FRMD4A: variants seen among roughly 807,000 people sequenced by gnomAD.
FRMD4A encodes FERM domain-containing protein 4A.
FRMD4A carries 29 observed loss-of-function variants against 129.1 expected under a neutral mutation model. The observed-to-expected ratio is 0.22, with a 90% CI of 0.17 to 0.31. FRMD4A has a LOEUF of 0.31. FRMD4A is among the 10% of genes least tolerant of loss of function. The pLI is 1.00. For missense variants in FRMD4A, 1,272 were observed against 1,375.8 expected (o/e 0.92, Z 1.19); for synonymous variants, 634 against 571.6 (o/e 1.11, Z -1.56).
intron 12 of FRMD4A, among the ~76,000 whole-genome samples, chr10:13,732,737 T>C (rs887681487): frequency 1.3e-5 from 2 of 151,816 alleles, no homozygotes; most frequent in Non-Finnish European, 2.9e-5. Flanking sequence ...CAAGAGGGAG[T>C]GGCATCCCCT....
At chr10:13,861,823 AT>A (rs1299233093) in intron 2 of FRMD4A, among the ~76,000 whole-genome samples, 1 of 152,204 alleles carries the variant, frequency 6.6e-6, no homozygotes, top group Non-Finnish European at 1.5e-5. Context: ...CCTTTCAATC[AT>A]TCCCTAAGTT....
chr10:13,892,255 C>T (rs954092166), intron 2 of FRMD4A, among the ~76,000 whole-genome samples: 1 of 152,174 alleles, frequency 6.6e-6, no homozygotes, highest in Non-Finnish European at 1.5e-5. Flanking sequence ...CCTGAGAGCC[C>T]GGAGACAGCA....
chr10:13,787,455 A>AT lies in FRMD4A; in HGVS notation c.300-4450dup, dbSNP rs202174830. Among the ~76,000 whole-genome samples the AT allele has an allele frequency of 3.9e-3, 597 of 151,228 alleles. 3 individuals are homozygous for AT. The highest frequency in any genetic ancestry group is 0.014 in the African/African-American group (570 of 40,996). On this transcript the variant is annotated intron_variant, in intron 5 of 24. Transcript: ENST00000357447. ...CTGAGGGTTTGGATTCAAAGTCAAAATTTTTTTTTCTTTTTTTTCTTTTTG... is the reference window on the plus strand; with the variant it reads ...CTGAGGGTTTGGATTCAAAGTCAAAATTTTTTTTTTCTTTTTTTTCTTTTTG...
intron 2 of FRMD4A, among the ~76,000 whole-genome samples, chr10:14,011,478 C>T (rs1280111337): frequency 1.3e-5 from 2 of 152,158 alleles, no homozygotes; most frequent in African/African-American, 4.8e-5. Context: ...CTGAAGCCTT[C>T]ATCCATGGTC....
intron 2 of FRMD4A, among the ~76,000 whole-genome samples, chr10:13,978,183 A>G (rs1184370884): frequency 1.3e-5 from 2 of 152,100 alleles, no homozygotes; most frequent in South Asian, 2.1e-4. Flanking sequence ...TCCTAGTGTT[A>G]AGTGGTGGTG....
At chr10:14,284,240 C>T (rs1341521662) in intron 2 of FRMD4A, among the ~76,000 whole-genome samples, 1 of 152,028 alleles carries the variant, frequency 6.6e-6, no homozygotes, top group African/African-American at 2.4e-5. Context: ...GTCACAATAC[C>T]CATAATCATC....
intron 13 of FRMD4A, among the ~76,000 whole-genome samples, chr10:13,704,615 C>G (rs2087222287): frequency 6.6e-6 from 1 of 152,184 alleles, no homozygotes; most frequent in African/African-American, 2.4e-5. Context: ...TGTCCTTCAC[C>G]CTTCATGGCC....
intron 2 of FRMD4A, among the ~76,000 whole-genome samples, chr10:14,294,276 A>G (rs1410696300): frequency 2.6e-5 from 4 of 152,246 alleles, no homozygotes; most frequent in East Asian, 1.9e-4. Flanking sequence ...AGAAATAGGC[A>G]TATTTGGCTT....
Position 14,195,599 on chromosome 10 carries a change from CTT to C in FRMD4A, c.45+134457_45+134458del, listed in dbSNP as rs1275426539. Among the ~76,000 whole-genome samples, 3 of 152,338 alleles carry C rather than the reference CTT, an allele frequency of 2.0e-5. No homozygotes were observed. The East Asian group carries it at 5.8e-4, about 29-fold the overall frequency. Reference sequence around the variant, plus strand: ...TCAGTTTTGAACATCAAGTCTGACTCTTCGTGCAGTGAGCTCTCCAGGCGTCC... The same window carrying C: ...TCAGTTTTGAACATCAAGTCTGACTCCGTGCAGTGAGCTCTCCAGGCGTCC... On this transcript the variant is annotated intron_variant, in intron 2 of 24. Coordinates refer to ENST00000357447, the MANE Select transcript of FRMD4A (RefSeq NM_018027.5).
At chr10:14,051,255 C>A (rs1380144539) in intron 2 of FRMD4A, among the ~76,000 whole-genome samples, 1 of 152,200 alleles carries the variant, frequency 6.6e-6, no homozygotes, top group Non-Finnish European at 1.5e-5. Context: ...GAGTATCACA[C>A]CCTGTCCCTT....
intron 13 of FRMD4A, among the ~76,000 whole-genome samples, chr10:13,705,963 C>A (rs536211297): frequency 4.7e-4 from 72 of 152,280 alleles, no homozygotes; most frequent in Non-Finnish European, 8.7e-4. Flanking sequence ...TCATGGGCTG[C>A]AGGAACAGGG....
At chr10:13,920,671 A>G (rs1370429765) in intron 2 of FRMD4A, among the ~76,000 whole-genome samples, 2 of 152,230 alleles carry the variant, frequency 1.3e-5, no homozygotes, top group East Asian at 1.9e-4. Context: ...CAGAAATTCA[A>G]CACTGTGTTC....
chr10:14,051,804 G>T (rs1248118332), intron 2 of FRMD4A, among the ~76,000 whole-genome samples: 1 of 152,246 alleles, frequency 6.6e-6, no homozygotes, highest in Non-Finnish European at 1.5e-5. Flanking sequence ...AAAGGGCCCT[G>T]AGCAGGGCAG....
At chr10:14,050,563 T>C (rs1327920527) in intron 2 of FRMD4A, among the ~76,000 whole-genome samples, 1 of 152,070 alleles carries the variant, frequency 6.6e-6, no homozygotes, top group Non-Finnish European at 1.5e-5. Flanking sequence ...TCCAGGTAGC[T>C]TGGGGGTGGG....
intron 12 of FRMD4A, among the ~76,000 whole-genome samples, chr10:13,714,059 T>TATATATATA (rs1207471495): frequency 9.9e-6 from 1 of 101,324 alleles, no homozygotes; most frequent in South Asian, 2.8e-4. Context: ...TATATATATA[T>TATATATATA]AAAATATACT....
intron 14 of FRMD4A, among the ~76,000 whole-genome samples, chr10:13,699,117 G>GTGAT (rs1356267808): frequency 2.8e-5 from 4 of 145,036 alleles, no homozygotes; most frequent in Non-Finnish European, 6.0e-5. Context: ...GTGCAGTGGT[G>GTGAT]TGATCTCAGC....
intron 3 of FRMD4A, among the ~76,000 whole-genome samples, chr10:13,851,950 T>C (rs893706682): frequency 6.6e-6 from 1 of 151,590 alleles, no homozygotes; most frequent in Non-Finnish European, 1.5e-5. Context: ...ATCACTCACA[T>C]GTGGGACCAT....
chr10:13,785,026 C>T (rs116022585), intron 5 of FRMD4A, among the ~76,000 whole-genome samples: 3,437 of 150,884 alleles, frequency 0.023, 135 homozygotes, highest in African/African-American at 0.079. Flanking sequence ...TTTACCATAC[C>T]TGAAGGATAA....
intron 2 of FRMD4A, among the ~76,000 whole-genome samples, chr10:14,308,558 A>T (rs1167001181): frequency 1.3e-5 from 2 of 152,098 alleles, no homozygotes; most frequent in Non-Finnish European, 2.9e-5. Context: ...TCTTTTTTGA[A>T]TTCAAAGATA....
Sources: allele counts gnomAD v4.1 joint callset (sites outside exome capture counted in the v4.1 genomes callset), GRCh38; gene constraint gnomAD v4.1.1; transcripts MANE v1.5; gene names NCBI Gene and HGNC (gene_info 2026-07-23, HGNC 2026-07-21).